SBNO2: variants seen among roughly 807,000 people sequenced by gnomAD.
The protein encoded by SBNO2 is strawberry notch homolog 2.
Under a neutral mutation model 146.3 loss-of-function variants are expected in SBNO2, and 89 were observed. The ratio of observed to expected loss-of-function variants is 0.61; its 90% CI spans 0.51 to 0.73. The LOEUF (loss-of-function observed/expected upper bound fraction) is 0.73, where lower values mean the gene tolerates loss of function less well. SBNO2 is among the 30% of genes least tolerant of loss of function. SBNO2 has a pLI of 0.00. For synonymous variants in SBNO2, 1,147 were observed against 892.6 expected (o/e 1.29, Z -5.08); for missense variants, 2,092 against 2,003.7 (o/e 1.04, Z -0.84).
intron 4 of SBNO2, 30 bp downstream of exon 4, chr19:1,147,279 C>A (rs771497035): frequency 3.4e-5 from 50 of 1,465,466 alleles, no homozygotes; most frequent in East Asian, 2.9e-4. Context: ...CCCTGCCCCC[C>A]ACGGCGCGGT....
intron 2 of SBNO2, among the ~76,000 whole-genome samples, chr19:1,153,069 C>A (rs2080257067): frequency 6.6e-6 from 1 of 151,656 alleles, no homozygotes; most frequent in Non-Finnish European, 1.5e-5. Context: ...GCAGGAGAAT[C>A]ACTAGCCCAG....
chr19:1,111,329 G>A (rs1029913695), intron 24 of SBNO2, among the ~76,000 whole-genome samples, 177 bp downstream of exon 24: 15 of 152,160 alleles, frequency 9.9e-5, no homozygotes, highest in Admixed American at 5.2e-4. Context: ...AAACCCACCC[G>A]GCAGCTGCTG....
intron 1 of SBNO2, among the ~76,000 whole-genome samples, chr19:1,165,734 C>T (rs1236530846): frequency 8.6e-5 from 5 of 58,066 alleles, no homozygotes; most frequent in East Asian, 1.1e-3. Context: ...AGATCTCAGA[C>T]TCCAGACCCC....
chr19:1,166,266 C>T (rs111359097), intron 1 of SBNO2, among the ~76,000 whole-genome samples: 9 of 26,452 alleles, frequency 3.4e-4, no homozygotes, highest in African/African-American at 5.9e-4. Context: ...GAGGGAGGCC[C>T]GGTGAGGGAG....
rs1371436705 is a variant in SBNO2 at position 1,144,642 on chromosome 19, CGACAGA to C, written c.279+2661_279+2666del. ...GGGAAACAGACGAAGACAGAGAGGG[CGACAGA>C]GACAGAGGCAGAGAGGGAAACAGAC... On this transcript the variant is annotated intron_variant, in intron 4 of 31. Coordinates refer to ENST00000361757, the MANE Select transcript of SBNO2 (RefSeq NM_014963.3). This position sits in a 1 kb window ranked among gnomAD's most constrained non-coding sequence, Gnocchi z 4.1. Among the ~76,000 whole-genome samples, 1 of 137,364 alleles carries C rather than the reference CGACAGA, an allele frequency of 7.3e-6. No homozygotes were observed. The highest frequency in any genetic ancestry group is 1.6e-5 in the Non-Finnish European group (1 of 63,238). The allele number at this position is 137,364 out of a possible 152,430, so 90.1% of individuals were successfully genotyped here. A position where few individuals can be genotyped will look rare whatever the true frequency, so the allele number is the denominator to read the frequency against.
intron 11 of SBNO2, among the ~76,000 whole-genome samples, chr19:1,120,739 G>A (rs973198675): frequency 6.6e-6 from 1 of 152,132 alleles, no homozygotes; most frequent in Admixed American, 6.6e-5. Context: ...CGCGATCTCA[G>A]CTCACTGCAA....
At position 1,112,193 on chromosome 19, in the gene SBNO2, C is replaced by A; in HGVS notation, c.2624G>T (p.Ser875Ile). The A allele has an allele frequency of 6.3e-7, 1 of 1,586,408 alleles. No individual in the cohort carries two copies. The highest frequency in any genetic ancestry group is 1.3e-5 in the African/African-American group (1 of 74,664). ...GCCCCACCCCCACCTGCTCACCAGA[C>A]TCTCCAGGCGCTTGGCCACGATGGA... The part of the protein sequence containing the change: ...FASIVAKRLE[S>I]LGALTHGDRR... Residue 875 changes from serine to isoleucine, a missense_variant, in exon 22 of 32, where the codon AGT (serine) becomes ATT (isoleucine). By Grantham distance (142) the Ser-to-Ile change is moderately radical. Transcript: ENST00000361757. The surrounding 1 kb of genome is among the most constrained non-coding windows in gnomAD (Gnocchi z 5.9).
intron 4 of SBNO2, among the ~76,000 whole-genome samples, chr19:1,135,045 CAAAAA>C (rs201799961): frequency 2.5e-4 from 13 of 51,286 alleles, no homozygotes; most frequent in Non-Finnish European, 3.6e-4. Context: ...GACTCTGTCT[CAAAAA>C]AAAAAAAAAA....
intron 1 of SBNO2, among the ~76,000 whole-genome samples, chr19:1,170,152 C>T (rs758642271): frequency 6.6e-6 from 1 of 152,182 alleles, no homozygotes; most frequent in Non-Finnish European, 1.5e-5. Flanking sequence ...ATCTAATCTC[C>T]GCCTCCTCAC....
rs1415274149 is a variant in SBNO2, at chr19:1,108,410, G to A, written c.3911C>T (p.Ala1304Val). Residue 1304 changes from alanine to valine, a missense_variant, in exon 32 of 32, where the codon GCG becomes GTG. Transcript: ENST00000361757. Reference sequence around the variant, plus strand: ...GAAGTTGATGTCGCAGCCCTGGTGCGCGAGGGCCGCAGGGTCGGCCTGGGC... The same window carrying A: ...GAAGTTGATGTCGCAGCCCTGGTGCACGAGGGCCGCAGGGTCGGCCTGGGC... ...PDAQADPAALAHQGCDINFKE... is the reference protein window; with the variant it reads ...PDAQADPAALVHQGCDINFKE... 1.8e-5 allele frequency: 23 copies of A among 1,275,556 alleles called. No individual in the cohort carries two copies. The East Asian group carries it at 9.1e-4, about 51-fold the overall frequency. 79.0% of individuals were successfully genotyped at this position (1,275,556 alleles called of 1,614,324 possible). A position where few individuals can be genotyped will look rare whatever the true frequency, so the allele number is the denominator to read the frequency against.
At chr19:1,147,747 C>T (rs1270244291) in intron 3 of SBNO2, among the ~76,000 whole-genome samples, 1 of 152,086 alleles carries the variant, frequency 6.6e-6, no homozygotes, top group Admixed American at 6.5e-5. Context: ...TTCATTCTGG[C>T]GATTCAGAAC....
chr19:1,109,506 C>T lies in SBNO2; in HGVS notation c.3216G>A (p.Lys1072=), dbSNP rs1284588209. 1 of 1,594,792 alleles carries T rather than the reference C, an allele frequency of 6.3e-7. No homozygotes were observed. The highest frequency in any genetic ancestry group is 1.7e-5 in the Admixed American group (1 of 57,326). Residue 1072 remains lysine (K), a splice_region_variant and synonymous_variant, in exon 28 of 32, where the codon AAG becomes AAA. Transcript: ENST00000361757. The surrounding 1 kb of genome is among the most constrained non-coding windows in gnomAD (Gnocchi z 4.2). The part of the protein sequence containing the change: ...GPYDGFYLSY[K]VRGNKPSCLL... ...GGGGGGTAACCCCGCCCGACCCCAC[C>T]TTGTAGGAGAGGTAGAAGCCGTCAT...
rs1241193429 is a variant in SBNO2 at position 1,109,014 on chromosome 19, C to T, written c.3426-45G>A. The T allele has an allele frequency of 1.3e-6, 2 of 1,488,094 alleles. No individual in the cohort carries two copies. Among genetic ancestry groups the T allele is most frequent in the Admixed American group, 2.2e-5 (1 of 45,220 alleles). 92.2% of individuals were successfully genotyped at this position (1,488,094 alleles called of 1,614,324 possible). ...TCTCGGCTCAGGCGGGTCCCAGGGG[C>T]CCGCAGGCTCCCCAGGTGCCCTGAG... On this transcript the variant is annotated intron_variant, in intron 30 of 31. Transcript: ENST00000361757. The surrounding 1 kb of genome is among the most constrained non-coding windows in gnomAD (Gnocchi z 4.2).
intron 1 of SBNO2, among the ~76,000 whole-genome samples, chr19:1,171,308 G>A (rs1030731882): frequency 4.0e-5 from 6 of 151,684 alleles, no homozygotes; most frequent in Non-Finnish European, 5.9e-5. Flanking sequence ...ATGCACGTGC[G>A]TACGTACAAT....
At position 1,126,134 on chromosome 19, in the gene SBNO2, C is replaced by T. The variant is rs1056844513; in HGVS notation, c.441+1470G>A. ...CGGGTTCTCGGCAGTGTGTGGGAGCCACCAGGCTAGTGATGCTAATGAACT... is the reference window on the plus strand; with the variant it reads ...CGGGTTCTCGGCAGTGTGTGGGAGCTACCAGGCTAGTGATGCTAATGAACT... On this transcript the variant is annotated intron_variant, in intron 5 of 31. Transcript: ENST00000361757. This position sits in a 1 kb window ranked among gnomAD's most constrained non-coding sequence, Gnocchi z 4.4. Among the ~76,000 whole-genome samples, 3 of 152,240 alleles carry T rather than the reference C, an allele frequency of 2.0e-5. No individual in the cohort carries two copies. The highest frequency in any genetic ancestry group is 7.2e-5 in the African/African-American group (3 of 41,464).
In SBNO2 at chr19:1,112,957, C is replaced by T. The variant is rs2079784592; in HGVS notation, c.2248-8G>A. 4 of 1,556,782 alleles carry T rather than the reference C, an allele frequency of 2.6e-6. No individual in the cohort carries two copies. Among genetic ancestry groups the T allele is most frequent in the Admixed American group, 1.9e-5 (1 of 52,600 alleles). ...GCCTTTCCTGCCGGTCATCTGCAGC[C>T]GAGACAGGGACAAAACCGGCCGTCA... On this transcript the variant is annotated splice_polypyrimidine_tract_variant and splice_region_variant and intron_variant, in intron 19 of 31. Transcript: ENST00000361757. This position sits in a 1 kb window ranked among gnomAD's most constrained non-coding sequence, Gnocchi z 5.9.
Position 1,108,459 on chromosome 19 carries a change from C to T in SBNO2, c.3862G>A (p.Val1288Ile), listed in dbSNP as rs1311285691. The change falls in exon 32 of 32, where the codon GTC becomes ATC. Residue 1288 changes from valine (V) to isoleucine (I), a missense_variant. Coordinates refer to ENST00000361757, the MANE Select transcript of SBNO2 (RefSeq NM_014963.3). ...APLSLDAGPGVVPLGTPDAQA... is the reference protein window; with the variant it reads ...APLSLDAGPGIVPLGTPDAQA... Reference sequence around the variant, plus strand: ...GCGTCGGGGGTGCCCAGCGGCACGACGCCGGGGCCGGCGTCCAGGGACAGC... The same window carrying T: ...GCGTCGGGGGTGCCCAGCGGCACGATGCCGGGGCCGGCGTCCAGGGACAGC... 8.9e-6 allele frequency: 11 copies of T among 1,229,558 alleles called. No individual in the cohort carries two copies. Among genetic ancestry groups the T allele is most frequent in the Non-Finnish European group, 1.0e-5 (10 of 981,630 alleles). The allele number at this position is 1,229,558 out of a possible 1,614,324, so 76.2% of individuals were successfully genotyped here.
At position 1,119,178 on chromosome 19, in the gene SBNO2, C is replaced by G. The variant is rs2079868742; in HGVS notation, c.1374-14G>C. 3 of 1,586,852 alleles carry G rather than the reference C, an allele frequency of 1.9e-6. No individual in the cohort carries two copies. The highest frequency in any genetic ancestry group is 2.3e-5 in the South Asian group (2 of 88,722). On this transcript the variant is annotated splice_polypyrimidine_tract_variant and intron_variant, in intron 13 of 31. Transcript: ENST00000361757. ...GCGCCAACGCCCCTGCGGATGGACA[C>G]AGCCCCCGTGAGCACGGCCAGAGCC...
intron 1 of SBNO2, among the ~76,000 whole-genome samples, chr19:1,165,861 TCCCAGAC>T (rs1238025179): frequency 1.1e-3 from 6 of 5,640 alleles, no homozygotes; most frequent in Admixed American, 2.7e-3. Flanking sequence ...AGACCCCAGA[TCCCAGAC>T]CCCAGACCCC....
Sources: allele counts gnomAD v4.1 joint callset (sites outside exome capture counted in the v4.1 genomes callset), GRCh38; gene constraint gnomAD v4.1.1; non-coding constraint Gnocchi (gnomAD v3.1); transcripts MANE v1.5; gene names NCBI Gene and HGNC (gene_info 2026-07-23, HGNC 2026-07-21).